ABCC9: variants seen among roughly 807,000 people sequenced by gnomAD.
ABCC9 encodes ATP binding cassette subfamily C member 9, also known as ATP-binding cassette sub-family C member 9.
ABCC9 carries 95 observed loss-of-function variants against 188.3 expected under a neutral mutation model. That is an observed-to-expected ratio of 0.50 (90% CI 0.43 to 0.60). The LOEUF (loss-of-function observed/expected upper bound fraction) is 0.60. Among genes scored for constraint, ABCC9 ranks in the 20% least tolerant of loss-of-function variants. The pLI, the probability that ABCC9 is intolerant of heterozygous loss-of-function variation, is 0.00. For missense variants in ABCC9, 1,102 were observed against 1,876.3 expected (o/e 0.59, Z 7.62); for synonymous variants, 659 against 652.7 (o/e 1.01, Z -0.15).
chr12:21,909,038 T>C (rs1948188448), intron 10 of ABCC9, among the ~76,000 whole-genome samples: 1 of 151,920 alleles, frequency 6.6e-6, no homozygotes, highest in African/African-American at 2.4e-5. Flanking sequence ...AGCAGCTGTC[T>C]GGGGCCAATG....
At chr12:21,893,898 T>C in intron 14 of ABCC9, 134 bp downstream of exon 14, 1 of 919,028 alleles carries the variant, frequency 1.1e-6, no homozygotes, top group Non-Finnish European at 1.6e-6. Flanking sequence ...AAAAGTAGCA[T>C]ACCACAATTT....
At chr12:21,851,902 G>T (rs1030089451) in intron 24 of ABCC9, among the ~76,000 whole-genome samples, 195 bp downstream of exon 24, 2 of 151,966 alleles carry the variant, frequency 1.3e-5, no homozygotes, top group Admixed American at 6.6e-5. Context: ...TCCAAAGATG[G>T]CATTAGAATT....
Position 21,940,773 on chromosome 12 carries a change from C to CCGA in ABCC9, c.-87_-85dup, listed in dbSNP as rs1949656309. On this transcript the variant is annotated 5_prime_UTR_variant, in exon 2 of 40. Coordinates refer to ENST00000261200, the MANE Select transcript of ABCC9 (RefSeq NM_020297.4). The stretch of plus-strand genomic sequence containing the variant: ...GTGCACTTGAGCTACCTTCAAAACA[C>CCGA]CGACTTCCTACACTGTCTTAAGATG... 6.6e-6 allele frequency: 1 copy of CCGA among 152,144 alleles called. No individual in the cohort carries two copies. Among genetic ancestry groups the CCGA allele is most frequent in the South Asian group, 2.1e-4 (1 of 4,830 alleles). The allele number at this position is 152,144 out of a possible 1,614,324, so 9.4% of individuals were successfully genotyped here.
At chr12:21,883,215 G>A (rs1479265919) in intron 15 of ABCC9, among the ~76,000 whole-genome samples, 1 of 152,222 alleles carries the variant, frequency 6.6e-6, no homozygotes, top group Non-Finnish European at 1.5e-5. Context: ...GGTGTTAAAA[G>A]GTGATCAGAT....
In ABCC9 at chr12:21,842,568, T is replaced by G. The variant is rs1039721849; in HGVS notation, c.3316-97A>C. Reference sequence around the variant, plus strand: ...TATTTTTATGTTGATAGTTACACAGTTAACTACCAAAGTAGTGTATAAGCA... The same window carrying G: ...TATTTTTATGTTGATAGTTACACAGGTAACTACCAAAGTAGTGTATAAGCA... On this transcript the variant is annotated intron_variant, in intron 28 of 39. Transcript: ENST00000261200. 15 of 1,220,728 alleles carry G rather than the reference T, an allele frequency of 1.2e-5. No homozygotes were observed. In the African/African-American group the frequency reaches 2.3e-4, roughly 18 times the overall value. 75.6% of individuals were successfully genotyped at this position (1,220,728 alleles called of 1,614,324 possible). A position where few individuals can be genotyped will look rare whatever the true frequency, so the allele number is the denominator to read the frequency against.
intron 30 of ABCC9, among the ~76,000 whole-genome samples, chr12:21,829,402 C>T (rs528487418): frequency 2.6e-4 from 39 of 151,924 alleles, no homozygotes; most frequent in Middle Eastern, 3.4e-3. Context: ...GAGGTTTCAC[C>T]GTGTTAGCCA....
At chr12:21,849,142 C>G (rs1944835260) in intron 24 of ABCC9, among the ~76,000 whole-genome samples, 1 of 151,994 alleles carries the variant, frequency 6.6e-6, no homozygotes, top group African/African-American at 2.4e-5. Context: ...ATTTTGGAAT[C>G]TATGGTAAAT....
intron 32 of ABCC9, 119 bp downstream of exon 32, chr12:21,818,031 C>A: frequency 1.2e-6 from 1 of 812,592 alleles, no homozygotes; most frequent in South Asian, 1.4e-5. Context: ...CCCAATAGGC[C>A]CTGGTATGTG....
At chr12:21,816,058 T>G (rs1358777370) in intron 33 of ABCC9, among the ~76,000 whole-genome samples, 165 bp from the exon 34 acceptor site, 35 of 125,140 alleles carry the variant, frequency 2.8e-4, no homozygotes, top group Middle Eastern at 3.7e-3. Flanking sequence ...TTTTTTTTTT[T>G]TTTTTTTTTT....
Position 21,801,189 on chromosome 12 carries a change from T to A in ABCC9, c.4513-8A>T. The A allele has an allele frequency of 6.2e-7, 1 of 1,613,726 alleles. No homozygotes were observed. The highest frequency in any genetic ancestry group is 8.5e-7 in the Non-Finnish European group (1 of 1,179,888). On this transcript the variant is annotated splice_polypyrimidine_tract_variant and splice_region_variant and intron_variant, in intron 39 of 39. Transcript: ENST00000261200. ...AATAGTGTGTACTCGATGCTGTGAG[T>A]GAAAAGAAAACATGTATTTGTTACA...
intron 5 of ABCC9, among the ~76,000 whole-genome samples, chr12:21,920,609 A>G (rs2137956786): frequency 6.6e-6 from 1 of 152,088 alleles, no homozygotes; most frequent in African/African-American, 2.4e-5. Context: ...GTACAATTAA[A>G]TTATTATTGA....
At chr12:21,863,433 A>T (rs1241527944) in intron 19 of ABCC9, among the ~76,000 whole-genome samples, 1 of 151,966 alleles carries the variant, frequency 6.6e-6, no homozygotes, top group Non-Finnish European at 1.5e-5. Context: ...ATTAACTATA[A>T]ATTCTACATG....
At chr12:21,926,177 A>C (rs1949037930) in intron 4 of ABCC9, 114 bp from the exon 5 acceptor site, 3 of 1,396,618 alleles carry the variant, frequency 2.1e-6, no homozygotes, top group South Asian at 2.4e-5. Flanking sequence ...TAAAATACAG[A>C]ATGCAATAGT....
intron 4 of ABCC9, among the ~76,000 whole-genome samples, chr12:21,929,645 T>A (rs569867620): frequency 6.6e-6 from 1 of 152,206 alleles, no homozygotes; most frequent in African/African-American, 2.4e-5. Context: ...AGAGTCTCCA[T>A]TAGTTGTCAT....
chr12:21,843,971 T>C (rs1005748757), intron 28 of ABCC9, among the ~76,000 whole-genome samples: 3 of 152,214 alleles, frequency 2.0e-5, no homozygotes, highest in Non-Finnish European at 2.9e-5. Context: ...GTTTGATGTC[T>C]TTTATTTCAA....
intron 5 of ABCC9, among the ~76,000 whole-genome samples, chr12:21,918,810 C>T (rs951206923): frequency 2.6e-5 from 4 of 152,090 alleles, no homozygotes; most frequent in African/African-American, 9.7e-5. Flanking sequence ...GGCACAGGTC[C>T]TACTCACACT....
chr12:21,934,031 T>G, intron 3 of ABCC9, 108 bp from the exon 4 acceptor site: 1 of 1,140,792 alleles, frequency 8.8e-7, no homozygotes, highest in Non-Finnish European at 1.3e-6. Context: ...GGGGGGGTCC[T>G]GAAACCTTAA....
rs11430045 is a variant in ABCC9 at position 21,829,191 on chromosome 12, CTTTTTTTT to C, written c.3567-139_3567-132del. 2.4e-3 allele frequency: 554 copies of C among 230,610 alleles called. 4 individuals are homozygous for C. The highest frequency in any genetic ancestry group is 0.019 in the African/African-American group (408 of 21,782). The allele number at this position is 230,610 out of a possible 1,614,324, so 14.3% of individuals were successfully genotyped here. A position where few individuals can be genotyped will look rare whatever the true frequency, so the allele number is the denominator to read the frequency against. On this transcript the variant is annotated intron_variant, in intron 30 of 39. Coordinates refer to ENST00000261200, the MANE Select transcript of ABCC9 (RefSeq NM_020297.4). ...CATGGAATGATCAGTAAATAGATTT[CTTTTTTTT>C]TTTTTTTTTTTTTTTTTTTTCAGAT...
intron 30 of ABCC9, among the ~76,000 whole-genome samples, chr12:21,837,337 C>T (rs927021077): frequency 1.3e-5 from 2 of 152,250 alleles, no homozygotes; most frequent in African/African-American, 4.8e-5. Flanking sequence ...CTATATTCTA[C>T]TCTGTGACCC....
Sources: gnomAD v4.1 joint callset for allele counts (sites outside exome capture counted in the v4.1 genomes callset) on GRCh38, gnomAD v4.1.1 for gene constraint, MANE v1.5 for transcripts, NCBI Gene and HGNC (gene_info 2026-07-23, HGNC 2026-07-21) for gene names.